Variants in CADPS2 observed in about 807,000 individuals in gnomAD.
The protein encoded by CADPS2 is calcium dependent secretion activator 2.
Under a neutral mutation model 172.5 loss-of-function variants are expected in CADPS2, and 93 were observed. That is an observed-to-expected ratio of 0.54 (90% CI 0.46 to 0.64). The LOEUF is 0.64. Among genes scored for constraint, CADPS2 ranks in the 30% least tolerant of loss-of-function variants. The pLI is 0.00. For missense variants in CADPS2, 1,420 were observed against 1,565.9 expected (o/e 0.91, Z 1.57); for synonymous variants, 546 against 555.2 (o/e 0.98, Z 0.23).
chr7:122,796,982 T>C (rs1796509955), intron 1 of CADPS2, among the ~76,000 whole-genome samples: 2 of 151,396 alleles, frequency 1.3e-5, no homozygotes, highest in Non-Finnish European at 1.5e-5. Flanking sequence ...AAGTCTAACA[T>C]CCAGCGTCTA....
At chr7:122,829,727 T>C (rs1430118606) in intron 1 of CADPS2, among the ~76,000 whole-genome samples, 1 of 151,658 alleles carries the variant, frequency 6.6e-6, no homozygotes, top group Non-Finnish European at 1.5e-5. Flanking sequence ...AAGGTGTCTT[T>C]TAAGAAAACA....
At chr7:122,859,570 A>C (rs1371813209) in intron 1 of CADPS2, among the ~76,000 whole-genome samples, 1 of 152,190 alleles carries the variant, frequency 6.6e-6, no homozygotes, top group Non-Finnish European at 1.5e-5. Flanking sequence ...AATGAAAAAC[A>C]TAAGAAAAAT....
intron 25 of CADPS2, among the ~76,000 whole-genome samples, chr7:122,376,667 A>G (rs1254799106): frequency 6.6e-6 from 1 of 152,144 alleles, no homozygotes; most frequent in African/African-American, 2.4e-5. Context: ...GGGCCTATAG[A>G]AAACAACACT....
At chr7:122,354,171 C>T (rs1023683119) in intron 27 of CADPS2, 2 of 151,978 alleles carry the variant, frequency 1.3e-5, no homozygotes, top group African/African-American at 4.8e-5. Context: ...TTATTTCCTA[C>T]AATGTAGATA....
chr7:122,319,104 ATTAG>A lies in CADPS2; in HGVS notation c.*1057_*1060del, dbSNP rs1265413164. The A allele has an allele frequency of 1.3e-5, 2 of 152,216 alleles. No homozygotes were observed. The highest frequency in any genetic ancestry group is 1.9e-4 in the East Asian group (1 of 5,202). 9.4% of individuals were successfully genotyped at this position (152,216 alleles called of 1,614,324 possible). On this transcript the variant is annotated 3_prime_UTR_variant, in exon 30 of 30. Transcript: ENST00000449022. Reference sequence around the variant, plus strand: ...GTTAATATTACTAACATTACTAATTATTAGTTAACATTGATTACTAATATTAACT... The same window carrying A: ...GTTAATATTACTAACATTACTAATTATTAACATTGATTACTAATATTAACT...
chr7:122,320,445 G>A, intron 29 of CADPS2, 107 bp from the exon 30 acceptor site: 1 of 773,168 alleles, frequency 1.3e-6, no homozygotes, highest in South Asian at 3.4e-5. Flanking sequence ...TCCACTGATA[G>A]GTTCATGTGG....
chr7:122,689,543 A>C (rs1723052649), intron 2 of CADPS2, among the ~76,000 whole-genome samples: 1 of 152,162 alleles, frequency 6.6e-6, no homozygotes, highest in African/African-American at 2.4e-5. Flanking sequence ...CCACTCACAA[A>C]AACTGGAAAC....
rs561505692 is a variant in CADPS2 at position 122,756,670 on chromosome 7, G to A, written c.340-19602C>T. Among the ~76,000 whole-genome samples, 3 of 152,268 alleles carry A rather than the reference G, an allele frequency of 2.0e-5. No homozygotes were observed. The East Asian group carries it at 5.8e-4, about 29-fold the overall frequency. On this transcript the variant is annotated intron_variant, in intron 1 of 29. Coordinates refer to ENST00000449022, the MANE Select transcript of CADPS2 (RefSeq NM_017954.11). ...TCCCAGCACTTTGAGAGGTGGCAGT[G>A]GGTGCATCACCTGAGGTCAGGAGTT... is the stretch of plus-strand genomic sequence containing the variant.
At chr7:122,704,413 T>C (rs868495411) in intron 2 of CADPS2, among the ~76,000 whole-genome samples, 5 of 152,066 alleles carry the variant, frequency 3.3e-5, no homozygotes, top group Middle Eastern at 3.4e-3. Context: ...CAGTGACAAA[T>C]TGAAGCCTCA....
intron 1 of CADPS2, among the ~76,000 whole-genome samples, chr7:122,856,554 C>T (rs978981849): frequency 6.6e-6 from 1 of 152,162 alleles, no homozygotes; most frequent in African/African-American, 2.4e-5. Context: ...CCTCTACTTA[C>T]AGGTTTTCAC....
intron 22 of CADPS2, among the ~76,000 whole-genome samples, chr7:122,391,026 A>C (rs2044300016): frequency 6.6e-6 from 1 of 152,042 alleles, no homozygotes. Context: ...ATGTATCTTC[A>C]AAACCATGGT....
At chr7:122,657,060 T>C (rs1280297591) in intron 3 of CADPS2, among the ~76,000 whole-genome samples, 1 of 152,218 alleles carries the variant, frequency 6.6e-6, no homozygotes, top group Admixed American at 6.5e-5. Flanking sequence ...ATTTATTAAA[T>C]AGGGAATCCT....
At chr7:122,650,055 C>T (rs369839045) in intron 3 of CADPS2, among the ~76,000 whole-genome samples, 9 of 150,690 alleles carry the variant, frequency 6.0e-5, no homozygotes, top group Non-Finnish European at 7.4e-5. Flanking sequence ...ATTACATGCG[C>T]GTGCCACCAC....
chr7:122,669,368 G>A (rs985159504), intron 2 of CADPS2, among the ~76,000 whole-genome samples: 4 of 139,978 alleles, frequency 2.9e-5, no homozygotes, highest in African/African-American at 1.1e-4. Context: ...TTTTTTTTTT[G>A]AGAAAAAGTA....
chr7:122,883,540 T>C (rs1823519980), intron 1 of CADPS2, among the ~76,000 whole-genome samples: 1 of 152,220 alleles, frequency 6.6e-6, no homozygotes, highest in Admixed American at 6.5e-5. Flanking sequence ...AATCTAACTG[T>C]ATAATGCAAG....
chr7:122,478,215 G>A (rs1190482098), intron 12 of CADPS2, among the ~76,000 whole-genome samples: 2 of 152,126 alleles, frequency 1.3e-5, no homozygotes, highest in Admixed American at 1.3e-4. Flanking sequence ...ACATTATGGT[G>A]ACTAGTTTTA....
intron 11 of CADPS2, among the ~76,000 whole-genome samples, chr7:122,486,763 A>C (rs1488338624): frequency 6.6e-6 from 1 of 152,180 alleles, no homozygotes; most frequent in Non-Finnish European, 1.5e-5. Context: ...TTCGTGAAAG[A>C]ATCAGTCACT....
At chr7:122,626,249 T>A (rs892318781) in intron 4 of CADPS2, among the ~76,000 whole-genome samples, 1 of 152,074 alleles carries the variant, frequency 6.6e-6, no homozygotes. Context: ...GTTGTGTTAA[T>A]GAGGACAGGG....
chr7:122,665,470 T>C (rs1120019), intron 2 of CADPS2, among the ~76,000 whole-genome samples: 151,112 of 152,316 alleles, frequency 0.99, 74,971 homozygotes, highest in Middle Eastern at 1. Flanking sequence ...AATGAGGTTA[T>C]GTCCTAATAA....
Sources: gnomAD v4.1 joint callset for allele counts (sites outside exome capture counted in the v4.1 genomes callset) on GRCh38, gnomAD v4.1.1 for gene constraint, MANE v1.5 for transcripts, NCBI Gene and HGNC (gene_info 2026-07-23, HGNC 2026-07-21) for gene names.